ST7: variants seen among roughly 807,000 people sequenced by gnomAD.
ST7 encodes the protein suppression of tumorigenicity 7.
ST7 carries 28 observed loss-of-function variants against 78.7 expected under a neutral mutation model. The observed-to-expected ratio is 0.36, with a 90% confidence interval of 0.26 to 0.49. The LOEUF (loss-of-function observed/expected upper bound fraction) is 0.49, where lower values mean the gene tolerates loss of function less well. ST7 is among the 20% of genes least tolerant of loss of function. The pLI is 0.99. For missense variants in ST7, 418 were observed against 696.0 expected (o/e 0.60, Z 4.49); for synonymous variants, 247 against 249.6 (o/e 0.99, Z 0.10).
At chr7:117,060,721 C>T (rs1390120044) in intron 1 of ST7, among the ~76,000 whole-genome samples, 1 of 151,990 alleles carries the variant, frequency 6.6e-6, no homozygotes, top group African/African-American at 2.4e-5. Flanking sequence ...TATAATATTG[C>T]CTGGCCAGGC....
chr7:117,178,256 T>C (rs938020736), intron 10 of ST7, among the ~76,000 whole-genome samples: 1 of 152,188 alleles, frequency 6.6e-6, no homozygotes, highest in African/African-American at 2.4e-5. Context: ...TTTTAGGTGC[T>C]TTAGATTCAG....
chr7:117,139,437 A>G (rs565188933), intron 9 of ST7, among the ~76,000 whole-genome samples: 1 of 152,186 alleles, frequency 6.6e-6, no homozygotes, highest in African/African-American at 2.4e-5. Context: ...TGAGCACACT[A>G]GGACTGCACA....
At chr7:117,204,469 AG>A (rs1791545062) in intron 12 of ST7, among the ~76,000 whole-genome samples, 1 of 152,178 alleles carries the variant, frequency 6.6e-6, no homozygotes. Flanking sequence ...AGTGATTCAA[AG>A]TGGCAGATGG....
intron 1 of ST7, among the ~76,000 whole-genome samples, chr7:117,039,842 G>A (rs2116273881): frequency 6.6e-6 from 1 of 152,288 alleles, no homozygotes; most frequent in Admixed American, 6.5e-5. Flanking sequence ...TTCTGGGCCA[G>A]TTATCCCACA....
chr7:117,210,002 C>T, intron 13 of ST7, 65 bp downstream of exon 13: 1 of 1,553,384 alleles, frequency 6.4e-7, no homozygotes, highest in Non-Finnish European at 8.7e-7. Context: ...TGTTTTTGCA[C>T]TGTTTATGAT....
intron 15 of ST7, among the ~76,000 whole-genome samples, chr7:117,222,650 GA>G (rs1283753843): frequency 6.6e-6 from 1 of 152,146 alleles, no homozygotes; most frequent in African/African-American, 2.4e-5. Flanking sequence ...TGACAGCCAA[GA>G]ACCATTGTTT....
rs140558335 is a variant in ST7 at position 117,042,836 on chromosome 7, A to G, written c.152-56926A>G. 2.4e-3 allele frequency among the ~76,000 whole-genome samples: 362 copies of G among 151,990 alleles called. 3 individuals are homozygous for G. Among genetic ancestry groups the G allele is most frequent in the African/African-American group, 8.4e-3 (350 of 41,476 alleles). On this transcript the variant is annotated intron_variant, in intron 1 of 15. Coordinates refer to ENST00000323984, the MANE Select transcript of ST7 (RefSeq NM_001369598.1). ...TCCAGTTAGAGGTTTTTTTCCTTTA[A>G]GGGAAAATTCATGCAATTAAATATT...
intron 9 of ST7, among the ~76,000 whole-genome samples, chr7:117,162,374 A>G (rs1807229090): frequency 6.6e-6 from 1 of 151,982 alleles, no homozygotes. Context: ...CCACATTAAG[A>G]TATCTTAAGT....
chr7:117,209,682 A>AT, intron 12 of ST7, 105 bp from the exon 13 acceptor site: 14 of 1,317,520 alleles, frequency 1.1e-5, no homozygotes, highest in Non-Finnish European at 1.2e-5. Context: ...GTTTAATGAA[A>AT]TGCTTATAAG....
chr7:116,956,410 T>A, intron 1 of ST7: 1 of 464,118 alleles, frequency 2.2e-6, no homozygotes, highest in South Asian at 1.6e-5. Context: ...GGACTAACTT[T>A]GCTGTTCTTC....
chr7:117,014,155 G>A (rs80115179), intron 1 of ST7, among the ~76,000 whole-genome samples: 1 of 152,058 alleles, frequency 6.6e-6, no homozygotes, highest in Admixed American at 6.6e-5. Flanking sequence ...CAACCATTCA[G>A]GTTGCTTACA....
intron 2 of ST7, among the ~76,000 whole-genome samples, chr7:117,117,418 A>G (rs958648848): frequency 2.6e-5 from 4 of 152,178 alleles, no homozygotes; most frequent in African/African-American, 7.2e-5. Flanking sequence ...GATGGAATCA[A>G]TGAACTAAGG....
chr7:117,066,886 C>T (rs769083990), intron 1 of ST7, among the ~76,000 whole-genome samples: 25 of 151,880 alleles, frequency 1.6e-4, no homozygotes, highest in Non-Finnish European at 2.6e-4. Flanking sequence ...AGACTCTATA[C>T]CCATTAGCAG....
At chr7:116,998,275 C>T (rs558916091) in intron 1 of ST7, among the ~76,000 whole-genome samples, 13 of 152,278 alleles carry the variant, frequency 8.5e-5, no homozygotes, top group Admixed American at 1.3e-4. Context: ...CCGGCAGCGC[C>T]GGCTGGCCAC....
chr7:117,028,844 G>C (rs537638903), intron 1 of ST7, among the ~76,000 whole-genome samples: 4 of 152,212 alleles, frequency 2.6e-5, no homozygotes, highest in African/African-American at 7.2e-5. Flanking sequence ...GTTGAGGTTA[G>C]CTGTTGACTT....
intron 1 of ST7, among the ~76,000 whole-genome samples, chr7:117,005,739 A>G (rs531628676): frequency 1.0e-3 from 154 of 152,314 alleles, no homozygotes; most frequent in African/African-American, 3.6e-3. Context: ...GCTTAAAAAA[A>G]TGTCCTGGGA....
chr7:116,998,273 G>A (rs547332094), intron 1 of ST7, among the ~76,000 whole-genome samples: 13 of 152,286 alleles, frequency 8.5e-5, no homozygotes, highest in East Asian at 1.9e-4. Flanking sequence ...GGCCGGCAGC[G>A]CCGGCTGGCC....
chr7:117,119,816 A>G, intron 3 of ST7, 96 bp downstream of exon 3: 1 of 1,411,996 alleles, frequency 7.1e-7, no homozygotes, highest in Non-Finnish European at 9.6e-7. Flanking sequence ...TGTTATTTAA[A>G]CATTAGGCTT....
chr7:117,018,891 C>T (rs759622914), intron 1 of ST7, among the ~76,000 whole-genome samples: 2 of 152,150 alleles, frequency 1.3e-5, no homozygotes, highest in Non-Finnish European at 2.9e-5. Flanking sequence ...TTCTTAATGG[C>T]TCAGCATTTT....
Sources: allele counts gnomAD v4.1 joint callset (sites outside exome capture counted in the v4.1 genomes callset), GRCh38; gene constraint gnomAD v4.1.1; transcripts MANE v1.5; gene names NCBI Gene and HGNC (gene_info 2026-07-23, HGNC 2026-07-21).